DOCK8: variants seen among roughly 807,000 people sequenced by gnomAD.
The protein encoded by DOCK8 is dedicator of cytokinesis 8, also known as dedicator of cytokinesis protein 8.
DOCK8 carries 141 observed loss-of-function variants against 245.6 expected under a neutral mutation model. The observed-to-expected ratio is 0.57, with a 90% CI of 0.50 to 0.66. DOCK8 has a LOEUF of 0.66. DOCK8 is among the 30% of genes least tolerant of loss of function. DOCK8 has a pLI of 0.00. For missense variants in DOCK8, 2,965 were observed against 2,603.4 expected (o/e 1.14, Z -3.02); for synonymous variants, 1,168 against 970.2 (o/e 1.20, Z -3.79).
intron 40 of DOCK8, 77 bp downstream of exon 40, chr9:439,465 T>G: frequency 6.3e-7 from 1 of 1,588,324 alleles, no homozygotes; most frequent in Non-Finnish European, 8.6e-7. Flanking sequence ...ACACCTGGTC[T>G]TAATGGCCCA....
intron 2 of DOCK8, among the ~76,000 whole-genome samples, chr9:285,510 A>G (rs1005508739): frequency 6.6e-6 from 1 of 152,164 alleles, no homozygotes; most frequent in Non-Finnish European, 1.5e-5. Context: ...AAAGACTGCC[A>G]TAAATGAACA....
chr9:337,399 T>G (rs1158676655), intron 12 of DOCK8, among the ~76,000 whole-genome samples: 1 of 152,110 alleles, frequency 6.6e-6, no homozygotes, highest in African/African-American at 2.4e-5. Flanking sequence ...GAGAGAAGGG[T>G]TAGGTTTTGT....
intron 8 of DOCK8, among the ~76,000 whole-genome samples, chr9:327,690 C>G (rs952441344): frequency 6.6e-6 from 1 of 152,228 alleles, no homozygotes. Flanking sequence ...AACCACCACA[C>G]CCAGTCCTTC....
At chr9:351,772 C>G (rs932147079) in intron 14 of DOCK8, among the ~76,000 whole-genome samples, 5 of 152,204 alleles carry the variant, frequency 3.3e-5, no homozygotes, top group African/African-American at 9.6e-5. Flanking sequence ...ATGATGCTTT[C>G]TGGTTAAAGA....
At chr9:312,214 G>A in intron 6 of DOCK8, 48 bp downstream of exon 6, 1 of 1,592,816 alleles carries the variant, frequency 6.3e-7, no homozygotes, top group East Asian at 2.2e-5. Context: ...AAGACTCTGA[G>A]AGTCATGTGG....
At chr9:307,007 A>C (rs1170071366) in intron 5 of DOCK8, among the ~76,000 whole-genome samples, 1 of 152,144 alleles carries the variant, frequency 6.6e-6, no homozygotes, top group African/African-American at 2.4e-5. Context: ...GAGGTAAGAT[A>C]AGGGTGATTC....
At position 405,042 on chromosome 9, in the gene DOCK8, C is replaced by T. The variant is rs142839527; in HGVS notation, c.3359C>T (p.Pro1120Leu). ...TTTTTTATGAATGCTGATACTGCTC[C>T]AACATCTCCTTGTCCTTCCATATCT... is the stretch of plus-strand genomic sequence containing the variant. Reference protein sequence around the residue: ...NLFFMNADTAPTSPCPSISSQ... With the variant: ...NLFFMNADTALTSPCPSISSQ... Residue 1120 changes from proline (P) to leucine (L), a missense_variant, in exon 27 of 48, where the codon CCA becomes CTA. Coordinates refer to ENST00000432829, the MANE Select transcript of DOCK8 (RefSeq NM_203447.4). 4 of 1,613,838 alleles carry T rather than the reference C, an allele frequency of 2.5e-6. No individual in the cohort carries two copies. The highest frequency in any genetic ancestry group is 3.4e-6 in the Non-Finnish European group (4 of 1,179,926).
chr9:256,743 C>G (rs2047785960), intron 1 of DOCK8, among the ~76,000 whole-genome samples: 1 of 151,828 alleles, frequency 6.6e-6, no homozygotes, highest in South Asian at 2.1e-4. Context: ...ATAGGGCAGT[C>G]TCAATACAAA....
chr9:214,597 G>C, upstream of DOCK8: 4 of 1,614,006 alleles, frequency 2.5e-6, no homozygotes, highest in Non-Finnish European at 3.4e-6. Flanking sequence ...CGCAGCTTCG[G>C]GCAGATGGAG....
chr9:415,248 G>T (rs540949962), intron 29 of DOCK8, among the ~76,000 whole-genome samples: 2 of 152,160 alleles, frequency 1.3e-5, no homozygotes, highest in South Asian at 4.2e-4. Context: ...ACACCACAAA[G>T]GATGAAATAA....
intron 38 of DOCK8, 135 bp downstream of exon 38, chr9:434,110 T>C: frequency 1.4e-6 from 1 of 708,852 alleles, no homozygotes; most frequent in Non-Finnish European, 2.5e-6. Flanking sequence ...TATATAGAAA[T>C]TAAACATTCA....
At chr9:319,868 A>G (rs1423038962) in intron 7 of DOCK8, among the ~76,000 whole-genome samples, 1 of 152,174 alleles carries the variant, frequency 6.6e-6, no homozygotes, top group East Asian at 1.9e-4. Context: ...ATACCATCTT[A>G]TGAAAAGTAA....
At chr9:327,897 A>T in intron 8 of DOCK8, 125 bp from the exon 9 acceptor site, 1 of 875,106 alleles carries the variant, frequency 1.1e-6, no homozygotes, top group South Asian at 1.4e-5. Context: ...CCTAAACCAC[A>T]TCTGTGATTA....
rs1277985213 is a variant in DOCK8, at chr9:235,311, G to T, written c.53+20282G>T. 6.6e-5 allele frequency among the ~76,000 whole-genome samples: 10 copies of T among 152,252 alleles called. No homozygotes were observed. In the East Asian group the frequency reaches 1.9e-3, roughly 29 times the overall value. ...GTGAGGTGTCAGTCTGCCCCTACTGGGGGGTGCCTCCCAGTTGGGCTACTC... is the reference window on the plus strand; with the variant it reads ...GTGAGGTGTCAGTCTGCCCCTACTGTGGGGTGCCTCCCAGTTGGGCTACTC... On this transcript the variant is annotated intron_variant, in intron 1 of 47. Transcript: ENST00000432829.
chr9:431,006 G>T (rs1334982442), intron 36 of DOCK8, among the ~76,000 whole-genome samples: 2 of 151,440 alleles, frequency 1.3e-5, no homozygotes, highest in Non-Finnish European at 2.9e-5. Context: ...TGTAGTAACT[G>T]GGATTACAGG....
chr9:329,353 T>C (rs947632640), intron 9 of DOCK8, among the ~76,000 whole-genome samples: 2 of 152,194 alleles, frequency 1.3e-5, no homozygotes, highest in Admixed American at 6.5e-5. Context: ...CAGTGTTTTA[T>C]GTCTGTAGTC....
At chr9:251,302 A>G (rs1276709835) in intron 1 of DOCK8, among the ~76,000 whole-genome samples, 1 of 152,238 alleles carries the variant, frequency 6.6e-6, no homozygotes, top group Non-Finnish European at 1.5e-5. Flanking sequence ...AAAAAAATCA[A>G]TGTTTAGAAG....
intron 1 of DOCK8, among the ~76,000 whole-genome samples, chr9:224,683 C>G (rs1294492619): frequency 1.3e-5 from 2 of 152,178 alleles, no homozygotes; most frequent in South Asian, 2.1e-4. Flanking sequence ...TATGAGCACT[C>G]TAGAGAAGTT....
At position 379,961 on chromosome 9, in the gene DOCK8, C is replaced by A. The variant is rs200641029; in HGVS notation, c.2605+26C>A. On this transcript the variant is annotated intron_variant, in intron 21 of 47. Transcript: ENST00000432829. Reference sequence around the variant, plus strand: ...GTAGAGTTGCCCTGAGTGTGGGACTCTGGTGGGCGGGGCAACACCACCTCC... The same window carrying A: ...GTAGAGTTGCCCTGAGTGTGGGACTATGGTGGGCGGGGCAACACCACCTCC... 8 of 1,609,326 alleles carry A rather than the reference C, an allele frequency of 5.0e-6. No individual in the cohort carries two copies. The African/African-American group carries it at 1.1e-4, about 22-fold the overall frequency.
Sources: allele counts gnomAD v4.1 joint callset (sites outside exome capture counted in the v4.1 genomes callset), GRCh38; gene constraint gnomAD v4.1.1; transcripts MANE v1.5; gene names NCBI Gene and HGNC (gene_info 2026-07-23, HGNC 2026-07-21).